The following PTPRD variants were observed in gnomAD, a reference collection of about 807,000 sequenced individuals.
The protein encoded by PTPRD is receptor-type tyrosine-protein phosphatase delta.
Under a neutral mutation model 214.5 loss-of-function variants are expected in PTPRD, and 34 were observed. The observed-to-expected ratio is 0.16, with a 90% CI of 0.12 to 0.21. PTPRD has a LOEUF of 0.21. Ranked by LOEUF, PTPRD falls within the 10% of genes least tolerant of loss-of-function variation. The probability of loss-of-function intolerance (pLI) is 1.00; values close to 1 mark genes in which losing one functional copy is unlikely to be tolerated. For synonymous variants in PTPRD, 1,128 were observed against 845.7 expected, an observed-to-expected ratio of 1.33 and a Z score of -5.79; for missense variants, 2,545 against 2,398.7, an observed-to-expected ratio of 1.06 and a Z score of -1.27.
intron 11 of PTPRD, among the ~76,000 whole-genome samples, chr9:9,006,572 C>T (rs1301426904): frequency 6.6e-6 from 1 of 151,886 alleles, no homozygotes; most frequent in Non-Finnish European, 1.5e-5. Flanking sequence ...CTGCAATTAC[C>T]ATATTTATTC....
chr9:9,456,325 G>A (rs10816130), intron 8 of PTPRD, among the ~76,000 whole-genome samples: 75,096 of 151,400 alleles, frequency 0.5, 19,111 homozygotes, highest in East Asian at 0.67. Context: ...ATGCTTCCAG[G>A]TATTGATTAG....
chr9:10,279,454 G>C (rs1271145103), intron 3 of PTPRD, among the ~76,000 whole-genome samples: 2 of 151,818 alleles, frequency 1.3e-5, no homozygotes, highest in Non-Finnish European at 2.9e-5. Context: ...TGATTTCTTG[G>C]TCTTTCTTCT....
chr9:8,415,880 C>G (rs972460810), intron 35 of PTPRD, among the ~76,000 whole-genome samples: 1 of 151,916 alleles, frequency 6.6e-6, no homozygotes, highest in African/African-American at 2.4e-5. Context: ...ACAGATCTCT[C>G]TCAAGTTTTA....
chr9:9,386,390 T>C (rs2063879141), intron 9 of PTPRD, among the ~76,000 whole-genome samples: 1 of 152,120 alleles, frequency 6.6e-6, no homozygotes, highest in Non-Finnish European at 1.5e-5. Flanking sequence ...CAACATATTT[T>C]AGTAGAGAAG....
At chr9:9,993,570 C>A (rs574995962) in intron 4 of PTPRD, among the ~76,000 whole-genome samples, 1 of 152,180 alleles carries the variant, frequency 6.6e-6, no homozygotes, top group African/African-American at 2.4e-5. Context: ...TTACTTGATT[C>A]ATTTTATATA....
intron 11 of PTPRD, among the ~76,000 whole-genome samples, chr9:8,939,701 T>C (rs1278441146): frequency 1.3e-5 from 2 of 152,154 alleles, no homozygotes; most frequent in Non-Finnish European, 2.9e-5. Flanking sequence ...TAAAGGGTTT[T>C]GGGAGACAGC....
intron 2 of PTPRD, among the ~76,000 whole-genome samples, chr9:10,524,869 C>A (rs1408488724): frequency 6.6e-6 from 1 of 150,960 alleles, no homozygotes; most frequent in Non-Finnish European, 1.5e-5. Context: ...ATCATAGCTA[C>A]AGGTGAATTT....
intron 3 of PTPRD, among the ~76,000 whole-genome samples, chr9:10,236,751 T>A (rs181040793): frequency 6.6e-6 from 1 of 151,906 alleles, no homozygotes; most frequent in African/African-American, 2.4e-5. Flanking sequence ...TATTTTGAAA[T>A]AAGCCTTCAT....
chr9:8,924,930 C>T (rs958919282), intron 11 of PTPRD, among the ~76,000 whole-genome samples: 6 of 152,104 alleles, frequency 3.9e-5, no homozygotes, highest in African/African-American at 1.4e-4. Context: ...AACATGGTTG[C>T]CATTTGCTTA....
At chr9:8,877,189 T>C (rs2154213883) in intron 11 of PTPRD, among the ~76,000 whole-genome samples, 1 of 152,278 alleles carries the variant, frequency 6.6e-6, no homozygotes, top group South Asian at 2.1e-4. Flanking sequence ...CCTCCCAAAA[T>C]GCTGGGATTA....
chr9:10,417,550 T>C (rs1446025542), intron 2 of PTPRD, among the ~76,000 whole-genome samples: 12 of 151,844 alleles, frequency 7.9e-5, no homozygotes. Flanking sequence ...AGAAACTAAA[T>C]ATTATAGTTA....
intron 12 of PTPRD, among the ~76,000 whole-genome samples, chr9:8,676,732 C>T (rs2097428209): frequency 6.6e-6 from 1 of 152,156 alleles, no homozygotes; most frequent in African/African-American, 2.4e-5. Flanking sequence ...CGCCACCATG[C>T]CCAGCTAATT....
At chr9:10,344,886 A>G (rs1445722300) in intron 2 of PTPRD, among the ~76,000 whole-genome samples, 1 of 152,208 alleles carries the variant, frequency 6.6e-6, no homozygotes, top group African/African-American at 2.4e-5. Flanking sequence ...AATCAAATAA[A>G]TAATTTTCTC....
intron 11 of PTPRD, among the ~76,000 whole-genome samples, chr9:8,948,439 A>ATATATATATT (rs1567181539): frequency 0.017 from 84 of 4,864 alleles, 14 homozygotes; most frequent in East Asian, 0.071. Flanking sequence ...ATATATATTT[A>ATATATATATT]CATATATATA....
chr9:8,596,680 G>C (rs1296553352), intron 14 of PTPRD, among the ~76,000 whole-genome samples: 2 of 152,030 alleles, frequency 1.3e-5, no homozygotes, highest in Non-Finnish European at 1.5e-5. Context: ...ATATACAATA[G>C]TACTAATATA....
intron 10 of PTPRD, among the ~76,000 whole-genome samples, chr9:9,091,616 G>C (rs982488700): frequency 6.6e-6 from 1 of 152,164 alleles, no homozygotes; most frequent in Non-Finnish European, 1.5e-5. Context: ...CACTCAGTAA[G>C]TATTTGTGGA....
intron 10 of PTPRD, among the ~76,000 whole-genome samples, chr9:9,049,204 A>G (rs1359632921): frequency 1.3e-5 from 2 of 152,198 alleles, no homozygotes; most frequent in Non-Finnish European, 2.9e-5. Flanking sequence ...GCCTTAAGGC[A>G]TTCAGTGGAA....
intron 3 of PTPRD, among the ~76,000 whole-genome samples, chr9:10,258,743 A>ATC (rs148267846): frequency 0.049 from 7,374 of 151,964 alleles, 375 homozygotes; most frequent in East Asian, 0.14. Context: ...ATCGTTTTGT[A>ATC]TCTCTCTCTC....
At chr9:8,915,207 G>GGT (rs1300477220) in intron 11 of PTPRD, among the ~76,000 whole-genome samples, 1 of 152,072 alleles carries the variant, frequency 6.6e-6, no homozygotes, top group Admixed American at 6.6e-5. Context: ...TGAAGAAAAG[G>GGT]GTGTGTGTGA....
Sources: allele counts gnomAD v4.1 joint callset (sites outside exome capture counted in the v4.1 genomes callset), GRCh38; gene constraint gnomAD v4.1.1; transcripts MANE v1.5; gene names NCBI Gene and HGNC (gene_info 2026-07-23, HGNC 2026-07-21).